The following THNSL1 variants were observed in gnomAD, a reference collection of about 807,000 sequenced individuals.
THNSL1 encodes the protein threonine synthase like 1.
A neutral mutation model predicts 50.4 loss-of-function variants in THNSL1; 48 were observed. The observed-to-expected ratio is 0.95, with a 90% CI of 0.76 to 1.21. The LOEUF (loss-of-function observed/expected upper bound fraction) is 1.21. THNSL1 is among the 50% of genes most tolerant of loss of function. The probability of loss-of-function intolerance (pLI) is 0.00; values close to 1 mark genes in which losing one functional copy is unlikely to be tolerated. For missense variants in THNSL1, 896 were observed against 871.7 expected (o/e 1.03, Z -0.35); for synonymous variants, 309 against 306.1 (o/e 1.01, Z -0.10).
Position 25,025,109 on chromosome 10 carries a change from ACT to A in THNSL1, c.1888_1889del (p.Ser630HisfsTer3). 6.2e-7 allele frequency: 1 copy of A among 1,614,060 alleles called. No homozygotes were observed. Reference sequence around the variant, plus strand: ...GAGGGAGAGTGCCTAGCAGCTATTAACTCCACCTATAATACTTCAGGGTATAT... The same window carrying A: ...GAGGGAGAGTGCCTAGCAGCTATTAACCACCTATAATACTTCAGGGTATAT... On this transcript the variant is annotated frameshift_variant, in exon 3 of 3. Transcript: ENST00000376356. LOFTEE classifies it high-confidence loss of function.
chr10:25,024,208 C>T lies in THNSL1; in HGVS notation c.985C>T (p.Pro329Ser), dbSNP rs555032199. The T allele has an allele frequency of 6.2e-7, 1 of 1,614,172 alleles. No homozygotes were observed. Among genetic ancestry groups the T allele is most frequent in the Non-Finnish European group, 8.5e-7 (1 of 1,180,024 alleles). Residue 329 changes from proline to serine, a missense_variant, in exon 3 of 3, where the codon CCT becomes TCT. Pro to Ser is a moderately conservative substitution (Grantham distance 74). Transcript: ENST00000376356. ...GENFACSKIA[P>S]VRHLSGNQFI... is the part of the protein sequence containing the mutation. ...AAACTTTGCCTGCTCAAAAATTGCT[C>T]CTGTCAGGCACCTTTCAGGCAACCA...
chr10:25,001,504 C>T, the THNSL1 span, among the ~76,000 whole-genome samples: 1 of 151,954 alleles, frequency 6.6e-6, no homozygotes, highest in African/African-American at 2.4e-5. Context: ...TTCCATGATT[C>T]TTTGACTGCT....
At chr10:25,010,352 C>T in the THNSL1 span, among the ~76,000 whole-genome samples, 71 of 152,138 alleles carry the variant, frequency 4.7e-4, no homozygotes, top group Admixed American at 3.9e-3. Flanking sequence ...AATTTCTAAG[C>T]GGCAAAACAT....
At chr10:24,974,823 T>C in the THNSL1 span, among the ~76,000 whole-genome samples, 1 of 152,200 alleles carries the variant, frequency 6.6e-6, no homozygotes, top group Non-Finnish European at 1.5e-5. Context: ...AAGCTATCTT[T>C]AATAACGTTT....
chr10:25,013,920 CAA>C (rs1850507047), upstream of THNSL1, among the ~76,000 whole-genome samples: 1 of 149,724 alleles, frequency 6.7e-6, no homozygotes, highest in Non-Finnish European at 1.5e-5. Flanking sequence ...CCAGCCTGGG[CAA>C]AAAGAGTGAA....
chr10:24,972,507 C>CAAAAAAA, the THNSL1 span, among the ~76,000 whole-genome samples: 43 of 133,204 alleles, frequency 3.2e-4, no homozygotes, highest in African/African-American at 1.3e-3. Context: ...GACTCTGTCT[C>CAAAAAAA]AAAAAAAAAA....
the THNSL1 span, among the ~76,000 whole-genome samples, chr10:24,978,440 TCTCTCTCTCTC>T: frequency 6.6e-6 from 1 of 151,624 alleles, no homozygotes; most frequent in East Asian, 1.9e-4. Context: ...CTGTCCTCTC[TCTCTCTCTCTC>T]CTCTCTCTCT....
chr10:24,956,468 T>A, the THNSL1 span, among the ~76,000 whole-genome samples: 3 of 151,950 alleles, frequency 2.0e-5, no homozygotes, highest in African/African-American at 7.3e-5. Context: ...TTTATTTATT[T>A]TTTTTTTTTG....
In THNSL1 at chr10:25,024,145, G is replaced by A. The variant is rs767597413; in HGVS notation, c.922G>A (p.Ala308Thr). 1.9e-6 allele frequency: 3 copies of A among 1,614,060 alleles called. No individual in the cohort carries two copies. Among genetic ancestry groups the A allele is most frequent in the Non-Finnish European group, 2.5e-6 (3 of 1,180,024 alleles). ...TATCCATCCTGCAGACATACCTGCT[G>A]CCAGGTTGGGAGAAATGATTGAAAC... ...RCIHPADIPA[A>T]RLGEMIETAY... Residue 308 changes from alanine (A) to threonine (T), a missense_variant, in exon 3 of 3, where the codon GCC becomes ACC. Transcript: ENST00000376356.
chr10:25,023,750 A>C lies in THNSL1; in HGVS notation c.527A>C (p.Gln176Pro). 1 of 1,614,024 alleles carries C rather than the reference A, an allele frequency of 6.2e-7. No individual in the cohort carries two copies. Among genetic ancestry groups the C allele is most frequent in the Non-Finnish European group, 8.5e-7 (1 of 1,179,994 alleles). The change falls in exon 3 of 3, where the codon CAG becomes CCG. Residue 176 changes from glutamine to proline, a missense_variant. Gln to Pro is a moderately conservative substitution (Grantham distance 76). Transcript: ENST00000376356. ...ATGAAGACAGATAGGATTGTAGGTC[A>C]GAATTCTGGAACATCTATGAAAGAC... Reference protein sequence around the residue: ...KLMKTDRIVGQNSGTSMKDLL... With the variant: ...KLMKTDRIVGPNSGTSMKDLL...
chr10:24,952,747 G>T, the THNSL1 span: 6 of 632,996 alleles, frequency 9.5e-6, no homozygotes, highest in African/African-American at 1.9e-5. This position sits in a 1 kb window ranked among gnomAD's most constrained non-coding sequence, Gnocchi z 5.1. Flanking sequence ...GCCTGACGCG[G>T]ATCCATGGCC....
At chr10:24,980,527 GT>G in the THNSL1 span, among the ~76,000 whole-genome samples, 1 of 151,924 alleles carries the variant, frequency 6.6e-6, no homozygotes, top group Admixed American at 6.6e-5. Context: ...GATTATTTCT[GT>G]CTTCCCAACA....
chr10:25,019,332 G>C (rs1485674903), intron 1 of THNSL1, among the ~76,000 whole-genome samples: 2 of 152,108 alleles, frequency 1.3e-5, no homozygotes, highest in Admixed American at 1.3e-4. Context: ...AAATTAGCTG[G>C]GTGTGGTGGT....
chr10:24,987,784 T>C, the THNSL1 span, among the ~76,000 whole-genome samples: 2 of 152,162 alleles, frequency 1.3e-5, no homozygotes, highest in African/African-American at 4.8e-5. Flanking sequence ...CTTGATAGTT[T>C]TGTGACCAAA....
the THNSL1 span, among the ~76,000 whole-genome samples, chr10:24,993,192 A>C: frequency 6.6e-6 from 1 of 152,190 alleles, no homozygotes; most frequent in Non-Finnish European, 1.5e-5. Context: ...TCAGAAAAAA[A>C]ACTCACAAAT....
At chr10:24,982,630 C>T in the THNSL1 span, 1 of 152,072 alleles carries the variant, frequency 6.6e-6, no homozygotes, top group Non-Finnish European at 1.5e-5. Flanking sequence ...GATGTTTGTC[C>T]CTCTTTTGGG....
the THNSL1 span, among the ~76,000 whole-genome samples, chr10:24,990,309 C>T: frequency 6.6e-6 from 1 of 152,216 alleles, no homozygotes; most frequent in Admixed American, 6.5e-5. Context: ...TCCAAAGAGT[C>T]AGCTTTGCTG....
the THNSL1 span, among the ~76,000 whole-genome samples, chr10:24,995,401 A>G: frequency 6.6e-6 from 1 of 152,204 alleles, no homozygotes; most frequent in Non-Finnish European, 1.5e-5. Context: ...AAATATGTTA[A>G]TAATCAAAAT....
At chr10:25,008,733 T>C in the THNSL1 span, among the ~76,000 whole-genome samples, 2 of 152,232 alleles carry the variant, frequency 1.3e-5, no homozygotes, top group Non-Finnish European at 2.9e-5. Flanking sequence ...AAATACCATT[T>C]GACCCAGCCA....
Sources: allele counts gnomAD v4.1 joint callset (sites outside exome capture counted in the v4.1 genomes callset), GRCh38; gene constraint gnomAD v4.1.1; non-coding constraint Gnocchi (gnomAD v3.1); transcripts MANE v1.5; gene names NCBI Gene and HGNC (gene_info 2026-07-23, HGNC 2026-07-21).